The following WDR7 variants were observed in gnomAD, a reference collection of about 807,000 sequenced individuals.
WDR7 encodes the protein WD repeat domain 7.
WDR7 carries 46 observed loss-of-function variants against 169.4 expected under a neutral mutation model. The observed-to-expected ratio is 0.27, with a 90% CI of 0.21 to 0.35. The LOEUF (loss-of-function observed/expected upper bound fraction) is 0.35, where lower values mean the gene tolerates loss of function less well. WDR7 is among the 10% of genes least tolerant of loss of function. The pLI, the probability that WDR7 is intolerant of heterozygous loss-of-function variation, is 1.00. For synonymous variants in WDR7, 612 were observed against 666.8 expected, an observed-to-expected ratio of 0.92 and a Z score of 1.27; for missense variants, 1,534 against 1,859.3, an observed-to-expected ratio of 0.83 and a Z score of 3.22.
At position 57,013,777 on chromosome 18, in the gene WDR7, A is replaced by T. The variant is rs115250296; in HGVS notation, c.4165-6968A>T. Among the ~76,000 whole-genome samples, 1,253 of 152,304 alleles carry T rather than the reference A, an allele frequency of 8.2e-3. 16 individuals are homozygous for T. The highest frequency in any genetic ancestry group is 0.029 in the African/African-American group (1,192 of 41,550). On this transcript the variant is annotated intron_variant, in intron 26 of 27. Coordinates refer to ENST00000254442, the MANE Select transcript of WDR7 (RefSeq NM_015285.3). The stretch of plus-strand genomic sequence containing the variant: ...CAAGATGTTTCTGCAGCCCCAAGAC[A>T]CTGTCCATTGGCTTAGGTGTGCACA...
At chr18:56,805,652 A>ATT (rs944185508) in intron 19 of WDR7, among the ~76,000 whole-genome samples, 4 of 144,586 alleles carry the variant, frequency 2.8e-5, no homozygotes, top group Admixed American at 6.9e-5. Flanking sequence ...AAATCATAGG[A>ATT]TTTTTTTTTT....
chr18:56,979,230 C>T (rs1378835320), intron 26 of WDR7, among the ~76,000 whole-genome samples: 1 of 152,060 alleles, frequency 6.6e-6, no homozygotes, highest in African/African-American at 2.4e-5. Context: ...AAAATCATAA[C>T]ATTTTAGTTA....
chr18:56,942,738 C>T (rs1295400773), intron 25 of WDR7, among the ~76,000 whole-genome samples: 2 of 152,028 alleles, frequency 1.3e-5, no homozygotes, highest in Non-Finnish European at 2.9e-5. Flanking sequence ...ATATTAAATC[C>T]TCACGTTAAG....
At chr18:56,966,538 A>T (rs1203864745) in intron 26 of WDR7, among the ~76,000 whole-genome samples, 7 of 152,192 alleles carry the variant, frequency 4.6e-5, no homozygotes, top group Non-Finnish European at 1.0e-4. Context: ...CATATAACAT[A>T]CAAGATATGT....
At chr18:56,729,612 A>G (rs2026539069) in intron 13 of WDR7, among the ~76,000 whole-genome samples, 1 of 152,086 alleles carries the variant, frequency 6.6e-6, no homozygotes. Context: ...TTTAGTGGAT[A>G]CATCATAAAT....
At chr18:57,033,876 G>C (rs1301912151), downstream of WDR7, 2 of 152,028 alleles carry the variant, frequency 1.3e-5, no homozygotes, top group Non-Finnish European at 2.9e-5. Flanking sequence ...GCTGAGGTGT[G>C]GTGGCTCATG....
rs1657397 is a variant in WDR7 at position 57,029,152 on chromosome 18, T to C, written c.*1945T>C. The C allele has an allele frequency of 0.33, 50,015 of 152,084 alleles. 9,477 individuals carry two copies. Among genetic ancestry groups the C allele is most frequent in the African/African-American group, 0.52 (21,459 of 41,438 alleles). The allele number at this position is 152,084 out of a possible 1,614,324, so 9.4% of individuals were successfully genotyped here. A position where few individuals can be genotyped will look rare whatever the true frequency, so the allele number is the denominator to read the frequency against. On this transcript the variant is annotated 3_prime_UTR_variant, in exon 28 of 28. Coordinates refer to ENST00000254442, the MANE Select transcript of WDR7 (RefSeq NM_015285.3). ...CATTTTCTTTAACAAAAATGTTCTGTGTGTCAGGAAAGAGGTGTGAGAGTG... is the reference window on the plus strand; with the variant it reads ...CATTTTCTTTAACAAAAATGTTCTGCGTGTCAGGAAAGAGGTGTGAGAGTG...
intron 20 of WDR7, among the ~76,000 whole-genome samples, chr18:56,876,899 G>A (rs1411260719): frequency 6.6e-6 from 1 of 152,068 alleles, no homozygotes; most frequent in Non-Finnish European, 1.5e-5. Flanking sequence ...AAACTAATTT[G>A]GGGCTGGGCA....
chr18:56,763,341 A>G (rs1018594951), intron 16 of WDR7, among the ~76,000 whole-genome samples: 1 of 152,134 alleles, frequency 6.6e-6, no homozygotes, highest in African/African-American at 2.4e-5. Flanking sequence ...TTTTATTCAG[A>G]TGTTTTTTCT....
At chr18:57,024,368 T>C (rs933824336) in intron 27 of WDR7, among the ~76,000 whole-genome samples, 2 of 152,110 alleles carry the variant, frequency 1.3e-5, no homozygotes, top group Admixed American at 1.3e-4. Flanking sequence ...TTTGTCTGAG[T>C]TTATTGGAAA....
At chr18:56,816,265 T>C in intron 20 of WDR7, 121 bp downstream of exon 20, 1 of 787,454 alleles carries the variant, frequency 1.3e-6, no homozygotes, top group African/African-American at 1.8e-5. Flanking sequence ...GTACTGATGG[T>C]GTATTTAGTT....
At chr18:56,900,163 C>G (rs1202394271) in intron 21 of WDR7, among the ~76,000 whole-genome samples, 1 of 150,206 alleles carries the variant, frequency 6.7e-6, no homozygotes, top group African/African-American at 2.5e-5. Flanking sequence ...TCACTGTTAT[C>G]AGAAATTTTA....
At chr18:57,005,586 A>C (rs1380761503) in intron 26 of WDR7, among the ~76,000 whole-genome samples, 1 of 152,182 alleles carries the variant, frequency 6.6e-6, no homozygotes, top group Non-Finnish European at 1.5e-5. Context: ...TTGATGAGTA[A>C]GTATATTTGG....
intron 15 of WDR7, 47 bp from the exon 16 acceptor site, chr18:56,758,818 T>C (rs752316145): frequency 4.2e-6 from 6 of 1,433,962 alleles, no homozygotes; most frequent in Non-Finnish European, 5.8e-6. Context: ...GTTCTGGAAA[T>C]ATGACAGTAT....
chr18:56,939,417 C>A, intron 25 of WDR7, 24 bp downstream of exon 25: 1 of 1,501,504 alleles, frequency 6.7e-7, no homozygotes, highest in Non-Finnish European at 8.9e-7. Flanking sequence ...CAAGAGCATG[C>A]AGAATAAATA....
intron 13 of WDR7, among the ~76,000 whole-genome samples, chr18:56,727,276 C>A (rs1175050905): frequency 1.3e-5 from 2 of 151,880 alleles, no homozygotes; most frequent in Non-Finnish European, 2.9e-5. Flanking sequence ...TTTTCAAAAT[C>A]TTTAAATATT....
intron 26 of WDR7, among the ~76,000 whole-genome samples, chr18:56,963,961 C>A (rs1205995669): frequency 1.3e-5 from 2 of 150,272 alleles, no homozygotes; most frequent in African/African-American, 4.9e-5. Context: ...AACAAGGTGA[C>A]CTTGTCAGGC....
chr18:56,922,660 T>C (rs1318538711), intron 21 of WDR7, among the ~76,000 whole-genome samples: 2 of 152,126 alleles, frequency 1.3e-5, no homozygotes, highest in African/African-American at 2.4e-5. Context: ...GTGTGTAGTT[T>C]CCTGGGGAAA....
At chr18:56,769,440 C>T (rs1246894379) in intron 16 of WDR7, among the ~76,000 whole-genome samples, 2 of 152,140 alleles carry the variant, frequency 1.3e-5, no homozygotes, top group Non-Finnish European at 2.9e-5. Flanking sequence ...CTCAAGTGAT[C>T]CTCCCACCCC....
Sources: gnomAD v4.1 joint callset for allele counts (sites outside exome capture counted in the v4.1 genomes callset) on GRCh38, gnomAD v4.1.1 for gene constraint, MANE v1.5 for transcripts, NCBI Gene and HGNC (gene_info 2026-07-23, HGNC 2026-07-21) for gene names.